Variants in SFXN5 observed in about 807,000 individuals in gnomAD.
SFXN5 encodes the protein sideroflexin 5.
SFXN5 carries 43 observed loss-of-function variants against 50.2 expected under a neutral mutation model. The ratio of observed to expected loss-of-function variants is 0.86; its 90% CI spans 0.67 to 1.11. The LOEUF is 1.11. Ranked by LOEUF, SFXN5 falls within the 50% of genes least tolerant of loss-of-function variation. The probability of loss-of-function intolerance (pLI) is 0.00; values close to 1 mark genes in which losing one functional copy is unlikely to be tolerated. For missense variants in SFXN5, 463 were observed against 454.1 expected (o/e 1.02, Z -0.18); for synonymous variants, 203 against 185.8 (o/e 1.09, Z -0.75).
At position 72,961,331 on chromosome 2, in the gene SFXN5, G is replaced by A. The variant is rs1673716820; in HGVS notation, c.828-83C>T. 1 of 893,962 alleles carries A rather than the reference G, an allele frequency of 1.1e-6. No individual in the cohort carries two copies. Among genetic ancestry groups the A allele is most frequent in the East Asian group, 2.9e-5 (1 of 33,978 alleles). 55.4% of individuals were successfully genotyped at this position (893,962 alleles called of 1,614,324 possible). On this transcript the variant is annotated intron_variant, in intron 12 of 13. Transcript: ENST00000272433. This position sits in a 1 kb window ranked among gnomAD's most constrained non-coding sequence, Gnocchi z 4.4. The stretch of plus-strand genomic sequence containing the variant: ...CAGCCACCATGCTGGGTCCCACTCT[G>A]TCTCTGGGCCCAGGAAGCGTGGTTC...
At chr2:73,050,727 T>C (rs1681198058) in intron 2 of SFXN5, among the ~76,000 whole-genome samples, 1 of 152,244 alleles carries the variant, frequency 6.6e-6, no homozygotes, top group African/African-American at 2.4e-5. Flanking sequence ...GAATAGCACC[T>C]GGCTTCCTTC....
At position 73,047,251 on chromosome 2, in the gene SFXN5, T is replaced by TATACACAC. The variant is rs1680527493; in HGVS notation, c.172-6321_172-6320insGTGTGTAT. Reference sequence around the variant, plus strand: ...AAAAAAAAAAAAAAAAAAAAATATATATATATATATATATATATATATATA... The same window carrying TATACACAC: ...AAAAAAAAAAAAAAAAAAAAATATATATACACACATATATATATATATATATATATATA... On this transcript the variant is annotated intron_variant, in intron 2 of 13. Transcript: ENST00000272433. 2.2e-4 allele frequency among the ~76,000 whole-genome samples: 6 copies of TATACACAC among 27,586 alleles called. 1 individual carries two copies. The highest frequency in any genetic ancestry group is 4.1e-4 in the African/African-American group (4 of 9,720). The allele number at this position is 27,586 out of a possible 152,430, so 18.1% of individuals were successfully genotyped here.
intron 10 of SFXN5, 73 bp downstream of exon 10, chr2:72,988,185 T>A: frequency 2.9e-6 from 4 of 1,402,670 alleles, no homozygotes; most frequent in Non-Finnish European, 3.0e-6. Context: ...GGAAGGGTCA[T>A]CTGTCTCCCT....
intron 6 of SFXN5, among the ~76,000 whole-genome samples, chr2:73,014,463 T>A (rs1056556717): frequency 6.6e-6 from 1 of 152,188 alleles, no homozygotes; most frequent in Non-Finnish European, 1.5e-5. Context: ...CTTATAATAT[T>A]TGGTAGGGTG....
chr2:73,038,815 T>C (rs1020752355), intron 3 of SFXN5, among the ~76,000 whole-genome samples: 2 of 152,246 alleles, frequency 1.3e-5, no homozygotes, highest in Non-Finnish European at 2.9e-5. Flanking sequence ...AACTTTTTTT[T>C]AACTATTTAA....
chr2:73,016,884 G>A (rs1020828991), intron 6 of SFXN5, among the ~76,000 whole-genome samples: 18 of 152,050 alleles, frequency 1.2e-4, no homozygotes, highest in African/African-American at 3.6e-4. Flanking sequence ...GATGGGATGC[G>A]GAACATAGAA....
At chr2:73,070,269 T>G (rs1256974728) in intron 1 of SFXN5, among the ~76,000 whole-genome samples, 1 of 152,134 alleles carries the variant, frequency 6.6e-6, no homozygotes, top group Non-Finnish European at 1.5e-5. Context: ...TCGCCTCGGA[T>G]ACCTACATGC....
intron 11 of SFXN5, 96 bp from the exon 12 acceptor site, chr2:72,968,629 T>C (rs1674762233): frequency 1.7e-6 from 2 of 1,144,812 alleles, no homozygotes; most frequent in Non-Finnish European, 2.5e-6. Flanking sequence ...CCACAACGCA[T>C]GTGTGTCTGA....
At chr2:72,988,641 A>G (rs1343466845) in intron 9 of SFXN5, among the ~76,000 whole-genome samples, 1 of 152,126 alleles carries the variant, frequency 6.6e-6, no homozygotes, top group Non-Finnish European at 1.5e-5. Context: ...TTACACACTC[A>G]TACACACACA....
intron 13 of SFXN5, among the ~76,000 whole-genome samples, chr2:72,955,626 G>A (rs1021232901): frequency 3.3e-5 from 5 of 152,222 alleles, no homozygotes; most frequent in African/African-American, 7.2e-5. Flanking sequence ...AGGATTGGAA[G>A]TGCTCCCAGG....
chr2:73,032,999 T>C (rs1678513777), intron 3 of SFXN5, among the ~76,000 whole-genome samples: 1 of 152,170 alleles, frequency 6.6e-6, no homozygotes, highest in Non-Finnish European at 1.5e-5. Context: ...TTCTGCAGCA[T>C]AGCACACAGC....
At chr2:72,978,660 C>A (rs749355521) in intron 10 of SFXN5, among the ~76,000 whole-genome samples, 2 of 151,924 alleles carry the variant, frequency 1.3e-5, no homozygotes, top group Non-Finnish European at 2.9e-5. Flanking sequence ...TCAGACCCTG[C>A]AGGTTGGGTA....
chr2:73,003,725 C>T (rs2105713554), intron 6 of SFXN5, among the ~76,000 whole-genome samples: 1 of 152,308 alleles, frequency 6.6e-6, no homozygotes, highest in South Asian at 2.1e-4. Flanking sequence ...CTTGATTTAT[C>T]TTTAGTGGCA....
chr2:73,045,152 A>C (rs1396283362), intron 2 of SFXN5, among the ~76,000 whole-genome samples: 1 of 152,196 alleles, frequency 6.6e-6, no homozygotes, highest in Non-Finnish European at 1.5e-5. Flanking sequence ...TCTCTGAGAA[A>C]ACTGGGGCCA....
At position 72,945,198 on chromosome 2, in the gene SFXN5, G is replaced by GC; in HGVS notation, c.946-100dup. The stretch of plus-strand genomic sequence containing the variant: ...GGACCACCCTGGGCCCCAGAGCTCT[G>GC]CCCCCTGCACCCCCGTGTCCACCCC... On this transcript the variant is annotated intron_variant, in intron 13 of 13. Transcript: ENST00000272433. This position sits in a 1 kb window ranked among gnomAD's most constrained non-coding sequence, Gnocchi z 5.8. The GC allele has an allele frequency of 8.6e-7, 1 of 1,164,370 alleles. No individual in the cohort carries two copies. The highest frequency in any genetic ancestry group is 1.4e-5 in the South Asian group (1 of 74,054). The allele number at this position is 1,164,370 out of a possible 1,614,324, so 72.1% of individuals were successfully genotyped here.
intron 1 of SFXN5, among the ~76,000 whole-genome samples, chr2:73,062,919 A>G (rs912486013): frequency 4.6e-5 from 7 of 152,174 alleles, no homozygotes; most frequent in African/African-American, 1.4e-4. Context: ...AAGCTGCACC[A>G]GACTCCTGTG....
chr2:73,046,587 G>A (rs1249277713), intron 2 of SFXN5, among the ~76,000 whole-genome samples: 3 of 152,018 alleles, frequency 2.0e-5, no homozygotes, highest in Non-Finnish European at 4.4e-5. Context: ...GGTGAGGTGG[G>A]AGGATCTCGA....
intron 6 of SFXN5, among the ~76,000 whole-genome samples, chr2:73,004,542 G>T (rs555571620): frequency 6.6e-6 from 1 of 152,192 alleles, no homozygotes; most frequent in Non-Finnish European, 1.5e-5. Context: ...TAACGAAGGC[G>T]GAGGTAGGAG....
At chr2:73,035,084 T>C (rs528192010) in intron 3 of SFXN5, among the ~76,000 whole-genome samples, 124 of 152,322 alleles carry the variant, frequency 8.1e-4, no homozygotes, top group South Asian at 2.9e-3. Flanking sequence ...AAAATTGGGT[T>C]GATACAGGTA....
Sources: gnomAD v4.1 joint callset for allele counts (sites outside exome capture counted in the v4.1 genomes callset) on GRCh38, gnomAD v4.1.1 for gene constraint, Gnocchi (gnomAD v3.1) non-coding constraint, MANE v1.5 for transcripts, NCBI Gene and HGNC (gene_info 2026-07-23, HGNC 2026-07-21) for gene names.